INVS: variants seen among roughly 807,000 people sequenced by gnomAD.
INVS encodes the protein inversion of embryo turning homolog.
Under a neutral mutation model 108.8 loss-of-function variants are expected in INVS, and 86 were observed. That is an observed-to-expected ratio of 0.79 (90% confidence interval 0.66 to 0.95). The LOEUF is 0.95. Ranked by LOEUF, INVS falls within the 40% of genes least tolerant of loss-of-function variation. The pLI, the probability that INVS is intolerant of heterozygous loss-of-function variation, is 0.00. For missense variants in INVS, 1,169 were observed against 1,297.4 expected (o/e 0.90, Z 1.52); for synonymous variants, 455 against 473.5 (o/e 0.96, Z 0.51).
chr9:100,133,412 T>TA (rs1447976472), intron 3 of INVS, among the ~76,000 whole-genome samples: 1 of 152,098 alleles, frequency 6.6e-6, no homozygotes, highest in Non-Finnish European at 1.5e-5. Context: ...TTTGCATCTT[T>TA]AAATTAATGG....
At chr9:100,123,246 G>A (rs1231028336) in intron 2 of INVS, among the ~76,000 whole-genome samples, 2 of 152,070 alleles carry the variant, frequency 1.3e-5, no homozygotes, top group Non-Finnish European at 1.5e-5. Flanking sequence ...CCCTTTGGCT[G>A]TTACTCTTCA....
chr9:100,106,585 C>A (rs1827189907), intron 2 of INVS, among the ~76,000 whole-genome samples: 1 of 152,150 alleles, frequency 6.6e-6, no homozygotes, highest in South Asian at 2.1e-4. Flanking sequence ...ATGGACCAAA[C>A]CTATCTTCCT....
chr9:100,302,154 G>C lies in INVS; in HGVS notation c.*1480G>C. 1 of 1,258,974 alleles carries C rather than the reference G, an allele frequency of 7.9e-7. No individual in the cohort carries two copies. The highest frequency in any genetic ancestry group is 1.1e-6 in the Non-Finnish European group (1 of 899,766). 78.0% of individuals were successfully genotyped at this position (1,258,974 alleles called of 1,614,324 possible). On this transcript the variant is annotated 3_prime_UTR_variant, in exon 17 of 17. Coordinates refer to ENST00000262457, the MANE Select transcript of INVS (RefSeq NM_014425.5). ...CTTTTTCTTCAAATAAGATAGATGTGAATAAACAACTTCAAACAGGAGGTA... is the reference window on the plus strand; with the variant it reads ...CTTTTTCTTCAAATAAGATAGATGTCAATAAACAACTTCAAACAGGAGGTA...
intron 3 of INVS, among the ~76,000 whole-genome samples, chr9:100,155,599 A>G (rs1588045507): frequency 6.6e-6 from 1 of 152,200 alleles, no homozygotes; most frequent in East Asian, 1.9e-4. Flanking sequence ...TGGCCTCCCA[A>G]AGTGCTGGGA....
At chr9:100,138,256 A>C (rs1828297633) in intron 3 of INVS, among the ~76,000 whole-genome samples, 2 of 152,044 alleles carry the variant, frequency 1.3e-5, no homozygotes, top group South Asian at 4.1e-4. Flanking sequence ...AAATACAAAA[A>C]TTAGCTGGGC....
At chr9:100,192,112 G>C (rs1476704600) in intron 3 of INVS, among the ~76,000 whole-genome samples, 2 of 152,074 alleles carry the variant, frequency 1.3e-5, no homozygotes, top group Non-Finnish European at 2.9e-5. Flanking sequence ...TGTGATTTCT[G>C]TCAGTTTTCC....
chr9:100,199,230 C>G (rs951057049), intron 3 of INVS, among the ~76,000 whole-genome samples: 2 of 152,094 alleles, frequency 1.3e-5, no homozygotes, highest in Non-Finnish European at 2.9e-5. Flanking sequence ...AAATGTTTTT[C>G]TATTATTACT....
At chr9:100,266,203 G>A (rs901355526) in intron 11 of INVS, among the ~76,000 whole-genome samples, 5 of 152,146 alleles carry the variant, frequency 3.3e-5, no homozygotes, top group African/African-American at 1.2e-4. Flanking sequence ...CCATACCTGA[G>A]GTCCTGTTAC....
intron 3 of INVS, among the ~76,000 whole-genome samples, chr9:100,138,332 G>C (rs1003337898): frequency 2.0e-5 from 3 of 152,176 alleles, no homozygotes; most frequent in Non-Finnish European, 4.4e-5. Flanking sequence ...CTTGAACCCA[G>C]TGGGTAGAAG....
At chr9:100,105,762 C>A (rs1827153664) in intron 2 of INVS, among the ~76,000 whole-genome samples, 1 of 151,894 alleles carries the variant, frequency 6.6e-6, no homozygotes, top group Admixed American at 6.6e-5. Flanking sequence ...CTAGTTTTGA[C>A]CATCAGTTTT....
chr9:100,231,590 G>A (rs1831516266), intron 5 of INVS, among the ~76,000 whole-genome samples: 1 of 133,628 alleles, frequency 7.5e-6, no homozygotes, highest in Admixed American at 9.1e-5. Context: ...TCCCACTTAT[G>A]AGAACATGTG....
chr9:100,296,407 C>T (rs954796558), intron 14 of INVS, among the ~76,000 whole-genome samples: 1 of 152,206 alleles, frequency 6.6e-6, no homozygotes, highest in Admixed American at 6.5e-5. Flanking sequence ...AGCCCCCTTT[C>T]GTCACCAAAG....
intron 13 of INVS, among the ~76,000 whole-genome samples, chr9:100,287,439 C>G (rs1459809727): frequency 6.6e-6 from 1 of 152,184 alleles, no homozygotes; most frequent in Non-Finnish European, 1.5e-5. Context: ...ATTAAACAAT[C>G]TGTCATAGTT....
At chr9:100,195,485 A>G (rs1830345586) in intron 3 of INVS, among the ~76,000 whole-genome samples, 1 of 133,146 alleles carries the variant, frequency 7.5e-6, no homozygotes, top group African/African-American at 3.0e-5. Flanking sequence ...CACGCAACAC[A>G]TCAATTGATT....
chr9:100,199,268 AAGTGTATCTCTTGT>A (rs1830469864), intron 3 of INVS, among the ~76,000 whole-genome samples: 1 of 152,152 alleles, frequency 6.6e-6, no homozygotes, highest in Non-Finnish European at 1.5e-5. Context: ...TTTATATTTA[AAGTGTATCTCTTGT>A]AGACAACATA....
intron 3 of INVS, among the ~76,000 whole-genome samples, chr9:100,202,151 C>T (rs1467086889): frequency 2.0e-5 from 3 of 151,712 alleles, no homozygotes; most frequent in Non-Finnish European, 4.4e-5. Flanking sequence ...GAACTTAATA[C>T]TGTAGTCACA....
At chr9:100,260,190 T>TC (rs1832573598) in intron 10 of INVS, among the ~76,000 whole-genome samples, 3 of 145,346 alleles carry the variant, frequency 2.1e-5, no homozygotes, top group African/African-American at 2.5e-5. Flanking sequence ...TCTTTTCTTT[T>TC]TTTTTTTTTT....
intron 3 of INVS, among the ~76,000 whole-genome samples, chr9:100,215,723 C>T (rs754671473): frequency 1.3e-5 from 2 of 152,134 alleles, no homozygotes; most frequent in Non-Finnish European, 2.9e-5. Flanking sequence ...GCAGCAACTC[C>T]ATATGGTGGA....
intron 12 of INVS, among the ~76,000 whole-genome samples, chr9:100,281,037 T>C (rs2787380): frequency 0.31 from 47,850 of 152,132 alleles, 8,579 homozygotes; most frequent in Non-Finnish European, 0.42. Flanking sequence ...AAAATAAAAA[T>C]AAAAAAGAAA....
Sources: gnomAD v4.1 joint callset for allele counts (sites outside exome capture counted in the v4.1 genomes callset) on GRCh38, gnomAD v4.1.1 for gene constraint, MANE v1.5 for transcripts, NCBI Gene and HGNC (gene_info 2026-07-23, HGNC 2026-07-21) for gene names.